The following CENPK variants were observed in gnomAD, a reference collection of about 807,000 sequenced individuals.
CENPK encodes centromere protein K.
CENPK carries 46 observed loss-of-function variants against 40.9 expected under a neutral mutation model. The observed-to-expected ratio is 1.13, with a 90% CI of 0.89 to 1.44. The LOEUF (loss-of-function observed/expected upper bound fraction) is 1.44. CENPK is among the 40% of genes most tolerant of loss of function. The pLI is 0.00. For missense variants in CENPK, 288 were observed against 303.5 expected (o/e 0.95, Z 0.38); for synonymous variants, 107 against 104.4 (o/e 1.02, Z -0.15).
At chr5:65,550,520 C>G (rs1246901295) in intron 5 of CENPK, 2 of 152,154 alleles carry the variant, frequency 1.3e-5, no homozygotes, top group African/African-American at 4.8e-5. Flanking sequence ...ACAGGTGCAG[C>G]TTGTGGTTCC....
chr5:65,496,521 T>C, the CENPK span, among the ~76,000 whole-genome samples: 7 of 152,302 alleles, frequency 4.6e-5, no homozygotes, highest in Non-Finnish European at 8.8e-5. Flanking sequence ...GCTCATTATA[T>C]AGTATAATCA....
Position 65,562,962 on chromosome 5 carries a change from G to T in CENPK, c.-142+136C>A, listed in dbSNP as rs551286521. 1.6e-5 allele frequency: 3 copies of T among 186,272 alleles called. No individual in the cohort carries two copies. The East Asian group carries it at 4.5e-4, about 28-fold the overall frequency. 11.5% of individuals were successfully genotyped at this position (186,272 alleles called of 1,614,324 possible). On this transcript the variant is annotated intron_variant, in intron 1 of 10. Transcript: ENST00000396679. The stretch of plus-strand genomic sequence containing the variant: ...TTATGGAGCTTGCGTTGGCGCGCGG[G>T]AAGCCGAGAAGAACGGGACTCAAAG...
chr5:65,555,007 T>C, intron 2 of CENPK, 61 bp from the exon 3 acceptor site: 1 of 760,042 alleles, frequency 1.3e-6, no homozygotes. Flanking sequence ...ACCTGCCAGA[T>C]ACTCATCTAG....
chr5:65,541,059 G>A (rs1006210265), intron 6 of CENPK, among the ~76,000 whole-genome samples: 3 of 152,090 alleles, frequency 2.0e-5, no homozygotes, highest in African/African-American at 7.2e-5. Flanking sequence ...TTAGGCTCAA[G>A]TGATCCATCC....
intron 6 of CENPK, among the ~76,000 whole-genome samples, chr5:65,540,362 A>G (rs1187804908): frequency 6.6e-6 from 1 of 152,238 alleles, no homozygotes; most frequent in Non-Finnish European, 1.5e-5. Context: ...CTTTATAATA[A>G]GAATGATATT....
chr5:65,551,676 TCATACCTATTCA>T, intron 4 of CENPK, 40 bp from the exon 5 acceptor site: 1 of 1,035,234 alleles, frequency 9.7e-7, no homozygotes, highest in Non-Finnish European at 1.4e-6. Context: ...TGTGGACTAT[TCATACCTATTCA>T]TAGATGAAAA....
intron 5 of CENPK, among the ~76,000 whole-genome samples, chr5:65,548,234 T>A (rs1316972963): frequency 6.6e-6 from 1 of 152,338 alleles, no homozygotes; most frequent in South Asian, 2.1e-4. Flanking sequence ...CCAGTGCATA[T>A]AAAAGTTGTT....
chr5:65,522,132 TA>T (rs961020865), intron 9 of CENPK, among the ~76,000 whole-genome samples: 1 of 152,050 alleles, frequency 6.6e-6, no homozygotes, highest in Non-Finnish European at 1.5e-5. Context: ...TATAATCACA[TA>T]AAAAAATTAG....
the CENPK span, among the ~76,000 whole-genome samples, chr5:65,497,081 A>T: frequency 6.6e-6 from 1 of 151,540 alleles, no homozygotes; most frequent in South Asian, 2.1e-4. Flanking sequence ...TAAAATAAAA[A>T]TAGTGGCCAA....
chr5:65,540,830 CAG>C (rs1341960244), intron 6 of CENPK, among the ~76,000 whole-genome samples: 1 of 137,956 alleles, frequency 7.2e-6, no homozygotes, highest in Non-Finnish European at 1.5e-5. Context: ...TTTTTTGAGA[CAG>C]GGTTTCACTC....
At chr5:65,527,292 T>C (rs538170297) in intron 9 of CENPK, among the ~76,000 whole-genome samples, 71 of 151,704 alleles carry the variant, frequency 4.7e-4, no homozygotes, top group Admixed American at 4.2e-3. Flanking sequence ...ATTGGTGACA[T>C]AGCTGAATGG....
chr5:65,540,225 A>T (rs1212125246), intron 6 of CENPK, among the ~76,000 whole-genome samples: 1 of 152,196 alleles, frequency 6.6e-6, no homozygotes, highest in African/African-American at 2.4e-5. Context: ...TTTACTATAC[A>T]GTCAAGAGAA....
At chr5:65,498,483 C>T in the CENPK span, among the ~76,000 whole-genome samples, 1 of 151,986 alleles carries the variant, frequency 6.6e-6, no homozygotes, top group Non-Finnish European at 1.5e-5. Context: ...TAAATATTTC[C>T]TCTACATCAC....
At chr5:65,562,485 C>T (rs890380284) in intron 1 of CENPK, among the ~76,000 whole-genome samples, 26 of 152,050 alleles carry the variant, frequency 1.7e-4, no homozygotes, top group African/African-American at 5.8e-4. Flanking sequence ...AGATTTACGA[C>T]GAGGATTTTA....
intron 6 of CENPK, among the ~76,000 whole-genome samples, chr5:65,541,828 T>C (rs1431200155): frequency 6.6e-6 from 1 of 152,234 alleles, no homozygotes; most frequent in South Asian, 2.1e-4. Flanking sequence ...ATTTGTTATA[T>C]AGTACCACCT....
At chr5:65,498,627 CTTTT>C in the CENPK span, among the ~76,000 whole-genome samples, 7 of 135,850 alleles carry the variant, frequency 5.2e-5, no homozygotes, top group Admixed American at 4.3e-4. Flanking sequence ...CTTTCTTTTT[CTTTT>C]TTCTTTTTTT....
the CENPK span, among the ~76,000 whole-genome samples, chr5:65,508,786 T>TAAAAAAAA: frequency 1.2e-5 from 1 of 86,004 alleles, no homozygotes. Context: ...AGACTCCATC[T>TAAAAAAAA]AAAAAAAAAA....
rs757372616 is a variant in CENPK, at chr5:65,528,457, T to C, written c.592A>G (p.Lys198Glu). ...ATGTCTTCTCTAAAACTTACCTTTT[T>C]CTTTTTAACACTTCTATCAGGCAGA... Reference protein sequence around the residue: ...FPLPDRSVKKKKKNIQESSVN... With the variant: ...FPLPDRSVKKEKKNIQESSVN... The change falls in exon 9 of 11, where the codon AAA becomes GAA. Residue 198 changes from lysine (K) to glutamate (E), a missense_variant. Coordinates refer to ENST00000396679, the MANE Select transcript of CENPK (RefSeq NM_022145.5). 5 of 1,588,402 alleles carry C rather than the reference T, an allele frequency of 3.1e-6. No homozygotes were observed. The highest frequency in any genetic ancestry group is 3.8e-5 in the Admixed American group (2 of 52,014).
intron 6 of CENPK, chr5:65,541,325 G>C: frequency 2.2e-6 from 1 of 452,706 alleles, no homozygotes; most frequent in Non-Finnish European, 4.5e-6. Flanking sequence ...ATGTGGGACT[G>C]AGCGCTCAAC....
Sources: allele counts gnomAD v4.1 joint callset (sites outside exome capture counted in the v4.1 genomes callset), GRCh38; gene constraint gnomAD v4.1.1; transcripts MANE v1.5; gene names NCBI Gene and HGNC (gene_info 2026-07-23, HGNC 2026-07-21).